The following SLIT3 variants were observed in gnomAD, a reference collection of about 807,000 sequenced individuals.
The protein encoded by SLIT3 is slit guidance ligand 3, also known as slit homolog 3 protein.
SLIT3 carries 68 observed loss-of-function variants against 184.0 expected under a neutral mutation model. The observed-to-expected ratio is 0.37, with a 90% CI of 0.30 to 0.45. The LOEUF is 0.45. Ranked by LOEUF, SLIT3 falls within the 20% of genes least tolerant of loss-of-function variation. The probability of loss-of-function intolerance (pLI) is 1.00; values close to 1 mark genes in which losing one functional copy is unlikely to be tolerated. For synonymous variants in SLIT3, 831 were observed against 828.6 expected, an observed-to-expected ratio of 1.00 and a Z score of -0.05; for missense variants, 1,707 against 2,026.0, an observed-to-expected ratio of 0.84 and a Z score of 3.02.
At chr5:168,761,088 G>A in intron 15 of SLIT3, 152 bp from the exon 16 acceptor site, 1 of 639,726 alleles carries the variant, frequency 1.6e-6, no homozygotes, top group South Asian at 1.9e-5. Flanking sequence ...ATCAACAGAG[G>A]GGCCCAGCAG....
intron 1 of SLIT3, among the ~76,000 whole-genome samples, chr5:169,287,828 T>G (rs1767210147): frequency 6.6e-6 from 1 of 152,162 alleles, no homozygotes; most frequent in Non-Finnish European, 1.5e-5. Flanking sequence ...GAATGCTGCC[T>G]GAGAACCTGC....
intron 4 of SLIT3, among the ~76,000 whole-genome samples, chr5:169,153,732 C>A (rs1303186972): frequency 6.6e-6 from 1 of 152,230 alleles, no homozygotes; most frequent in Non-Finnish European, 1.5e-5. Flanking sequence ...CCAGGACTCC[C>A]CAACATGAAT....
Position 168,707,895 on chromosome 5 carries a change from G to C in SLIT3, c.2844+81C>G, listed in dbSNP as rs1762423569. 1.2e-5 allele frequency: 19 copies of C among 1,563,332 alleles called. No individual in the cohort carries two copies. In the South Asian group the frequency reaches 2.2e-4, roughly 18 times the overall value. ...TCCCTTGGAGAAGGGAGGGTACGCAGGGCATGGTGCCCCTCTCTAGGGCCA... is the reference window on the plus strand; with the variant it reads ...TCCCTTGGAGAAGGGAGGGTACGCACGGCATGGTGCCCCTCTCTAGGGCCA... On this transcript the variant is annotated intron_variant, in intron 26 of 35. Transcript: ENST00000519560.
intron 4 of SLIT3, among the ~76,000 whole-genome samples, chr5:169,006,746 A>G (rs1319428332): frequency 1.3e-5 from 2 of 152,102 alleles, no homozygotes; most frequent in African/African-American, 4.8e-5. Context: ...TTCCTCCCCA[A>G]AGTTCCCTAA....
rs146622698 is a variant in SLIT3 at position 168,739,549 on chromosome 5, G to C, written c.2270+8753C>G. 4.7e-3 allele frequency among the ~76,000 whole-genome samples: 712 copies of C among 151,314 alleles called. 7 individuals are homozygous for C. The highest frequency in any genetic ancestry group is 0.016 in the African/African-American group (673 of 41,136). On this transcript the variant is annotated intron_variant, in intron 20 of 35. Coordinates refer to ENST00000519560, the MANE Select transcript of SLIT3 (RefSeq NM_003062.4). The stretch of plus-strand genomic sequence containing the variant: ...GTGATTCTCCTGCCTCACCCTCCCA[G>C]CTTCAAGTGATTCTCCTGCCTCACC...
chr5:169,290,897 C>T (rs2113660046), intron 1 of SLIT3, among the ~76,000 whole-genome samples: 1 of 152,144 alleles, frequency 6.6e-6, no homozygotes, highest in East Asian at 1.9e-4. Context: ...CACTAGGGCA[C>T]GTGCTAGGGC....
At chr5:169,006,578 T>TTCTCTCTCTC (rs369079733) in intron 4 of SLIT3, among the ~76,000 whole-genome samples, 190 of 140,184 alleles carry the variant, frequency 1.4e-3, no homozygotes, top group African/African-American at 5.0e-3. Flanking sequence ...TTTCCCCCTC[T>TTCTCTCTCTC]TCTCTCTCTC....
intron 19 of SLIT3, 71 bp downstream of exon 19, chr5:168,749,401 T>A: frequency 6.4e-7 from 1 of 1,554,780 alleles, no homozygotes; most frequent in Non-Finnish European, 8.8e-7. Flanking sequence ...GAGTATCTGA[T>A]TGTGCATCTT....
intron 4 of SLIT3, among the ~76,000 whole-genome samples, chr5:169,125,995 T>C (rs73802486): frequency 0.031 from 4,658 of 152,220 alleles, 114 homozygotes; most frequent in African/African-American, 0.054. Flanking sequence ...AACTTCATTT[T>C]GCAAGCTTGC....
chr5:169,155,562 A>G lies in SLIT3; in HGVS notation c.413+37917T>C, dbSNP rs910566434. ...TACAAGGCTGGGACTGGGAGAAGGT[A>G]GAGAGAAAATATGAGCCTGAGTCTT... On this transcript the variant is annotated intron_variant, in intron 4 of 35. Coordinates refer to ENST00000519560, the MANE Select transcript of SLIT3 (RefSeq NM_003062.4). Among the ~76,000 whole-genome samples, 4 of 152,338 alleles carry G rather than the reference A, an allele frequency of 2.6e-5. No individual in the cohort carries two copies. The East Asian group carries it at 7.7e-4, about 29-fold the overall frequency.
chr5:168,923,781 G>T (rs995679459), intron 4 of SLIT3, among the ~76,000 whole-genome samples: 1 of 152,222 alleles, frequency 6.6e-6, no homozygotes, highest in Non-Finnish European at 1.5e-5. Context: ...CTCTCAAAGT[G>T]CTGGGATTAC....
At chr5:169,180,634 C>T (rs1245778550) in intron 4 of SLIT3, among the ~76,000 whole-genome samples, 1 of 152,178 alleles carries the variant, frequency 6.6e-6, no homozygotes, top group Non-Finnish European at 1.5e-5. Context: ...ACATCACTCA[C>T]ATCAACAGCT....
intron 8 of SLIT3, among the ~76,000 whole-genome samples, chr5:168,810,477 T>C (rs1213675533): frequency 6.6e-6 from 1 of 152,200 alleles, no homozygotes; most frequent in Non-Finnish European, 1.5e-5. Context: ...ATGTCTTCAT[T>C]TTTAAATAAG....
chr5:169,038,380 C>T (rs1757329638), intron 4 of SLIT3, among the ~76,000 whole-genome samples: 2 of 152,194 alleles, frequency 1.3e-5, no homozygotes, highest in Non-Finnish European at 2.9e-5. Flanking sequence ...ATATGGAATA[C>T]ATTCACACCA....
At chr5:169,039,313 T>G (rs551407924) in intron 4 of SLIT3, among the ~76,000 whole-genome samples, 1,441 of 141,354 alleles carry the variant, frequency 0.01, 15 homozygotes, top group Admixed American at 0.028. Context: ...AAGTTTTTTT[T>G]TGTGTTTTTT....
rs574987052 is a variant in SLIT3, at chr5:169,232,808, C to A, written c.341+11897G>T. Among the ~76,000 whole-genome samples the A allele has an allele frequency of 1.1e-3, 173 of 152,290 alleles. 1 individual carries two copies. Among genetic ancestry groups the A allele is most frequent in the African/African-American group, 4.1e-3 (169 of 41,566 alleles). ...TTTAGCATCATCTTAATTTCCACAACAACAAGCTGCTGGCATTTTGATTAG... is the reference window on the plus strand; with the variant it reads ...TTTAGCATCATCTTAATTTCCACAAAAACAAGCTGCTGGCATTTTGATTAG... On this transcript the variant is annotated intron_variant, in intron 3 of 35. Transcript: ENST00000519560.
At chr5:169,161,651 CTT>C (rs527835135) in intron 4 of SLIT3, among the ~76,000 whole-genome samples, 46 of 140,574 alleles carry the variant, frequency 3.3e-4, no homozygotes, top group East Asian at 1.2e-3. Context: ...ATAAAACAGT[CTT>C]TTTTTTTTTT....
chr5:169,161,014 T>C (rs1185312712), intron 4 of SLIT3, among the ~76,000 whole-genome samples: 1 of 152,230 alleles, frequency 6.6e-6, no homozygotes, highest in Non-Finnish European at 1.5e-5. Context: ...TGGTCTTTCC[T>C]CTATGTTGTT....
chr5:169,134,477 T>C (rs1225963583), intron 4 of SLIT3, among the ~76,000 whole-genome samples: 17 of 152,182 alleles, frequency 1.1e-4, no homozygotes, highest in Admixed American at 1.1e-3. Flanking sequence ...CACTCCCCCA[T>C]AGCTGCCTCA....
Sources: gnomAD v4.1 joint callset for allele counts (sites outside exome capture counted in the v4.1 genomes callset) on GRCh38, gnomAD v4.1.1 for gene constraint, MANE v1.5 for transcripts, NCBI Gene and HGNC (gene_info 2026-07-23, HGNC 2026-07-21) for gene names.